MTDH: variants seen among roughly 807,000 people sequenced by gnomAD.
The protein encoded by MTDH is protein LYRIC.
MTDH carries 34 observed loss-of-function variants against 72.7 expected under a neutral mutation model. That is an observed-to-expected ratio of 0.47 (90% CI 0.36 to 0.62). MTDH has a LOEUF of 0.62. MTDH is among the 20% of genes least tolerant of loss of function. MTDH has a pLI of 0.00. For synonymous variants in MTDH, 266 were observed against 268.9 expected (o/e 0.99, Z 0.10); for missense variants, 677 against 699.4 (o/e 0.97, Z 0.36).
At chr8:97,648,620 A>G (rs1023993454) in intron 1 of MTDH, among the ~76,000 whole-genome samples, 9 of 152,122 alleles carry the variant, frequency 5.9e-5, no homozygotes, top group Non-Finnish European at 5.9e-5. Flanking sequence ...TGGCCTCCCA[A>G]AATGTTGGGA....
In MTDH at chr8:97,687,458, G is replaced by A. The variant is rs761167308; in HGVS notation, c.598G>A (p.Glu200Lys). ...CTGGGAAACTAAAATTAGTCACAGA[G>A]AGAAACGACAGCAGCGTAAACGTGA... ...GAWETKISHR[E>K]KRQQRKRDKV... is the part of the protein sequence containing the mutation. The change falls in exon 4 of 12, where the codon GAG becomes AAG. Residue 200 changes from glutamate to lysine, a missense_variant. Around this residue, in one of 3 missense-constraint regions of MTDH, gnomAD observed 467 missense variants for 469.1 expected, o/e 1.00. Transcript: ENST00000336273. 1 of 1,602,020 alleles carries A rather than the reference G, an allele frequency of 6.2e-7. No individual in the cohort carries two copies. Among genetic ancestry groups the A allele is most frequent in the Non-Finnish European group, 8.5e-7 (1 of 1,174,536 alleles).
At chr8:97,717,723 C>T (rs1247157805) in intron 9 of MTDH, among the ~76,000 whole-genome samples, 1 of 149,072 alleles carries the variant, frequency 6.7e-6, no homozygotes, top group Non-Finnish European at 1.5e-5. Flanking sequence ...CTTAGGGAAA[C>T]TAAGTGACTT....
chr8:97,661,690 C>G (rs1425401289), intron 2 of MTDH, among the ~76,000 whole-genome samples: 1 of 152,070 alleles, frequency 6.6e-6, no homozygotes, highest in African/African-American at 2.4e-5. Flanking sequence ...TGCCTGTAAT[C>G]CTAGCACTTT....
At chr8:97,665,250 TAA>T (rs1007055673) in intron 2 of MTDH, among the ~76,000 whole-genome samples, 3 of 152,318 alleles carry the variant, frequency 2.0e-5, no homozygotes, top group Admixed American at 6.5e-5. Flanking sequence ...GCCTTGTAGA[TAA>T]AAGTTTGCCT....
At chr8:97,721,078 A>G (rs1815101952) in intron 10 of MTDH, among the ~76,000 whole-genome samples, 1 of 152,182 alleles carries the variant, frequency 6.6e-6, no homozygotes, top group Admixed American at 6.5e-5. Context: ...AAAATAAGTA[A>G]CAATAAAACT....
In MTDH at chr8:97,730,043, G is replaced by GT. The variant is rs1184069833; in HGVS notation, c.*5374dup. On this transcript the variant is annotated 3_prime_UTR_variant, in exon 12 of 12. Coordinates refer to ENST00000336273, the MANE Select transcript of MTDH (RefSeq NM_178812.4). ...CATCATGACATGTATATAGTGTGTT[G>GT]TAAGACATTTGCCAGCTAATAGTTA... 6.6e-6 allele frequency among the ~76,000 whole-genome samples: 1 copy of GT among 152,196 alleles called. No individual in the cohort carries two copies. The highest frequency in any genetic ancestry group is 1.5e-5 in the Non-Finnish European group (1 of 68,032).
At chr8:97,645,987 C>G (rs76222758) in intron 1 of MTDH, among the ~76,000 whole-genome samples, 6,117 of 152,112 alleles carry the variant, frequency 0.04, 463 homozygotes, top group East Asian at 0.24. Context: ...AAGGTATACA[C>G]GTAGAGTCAG....
chr8:97,659,812 C>G (rs1163247877), intron 1 of MTDH, among the ~76,000 whole-genome samples: 3 of 152,226 alleles, frequency 2.0e-5, no homozygotes, highest in African/African-American at 7.2e-5. Context: ...TACCTAGGCC[C>G]CATTCTCCAA....
chr8:97,726,204 C>G lies in MTDH; in HGVS notation c.*1534C>G, dbSNP rs1364595845. On this transcript the variant is annotated 3_prime_UTR_variant, in exon 12 of 12. Transcript: ENST00000336273. The stretch of plus-strand genomic sequence containing the variant: ...CTAACAAGAGATTATTAACTTTTAT[C>G]AGGTGTTAACATCTGTTTCAGGAAC... 1 of 152,638 alleles carries G rather than the reference C, an allele frequency of 6.6e-6. No homozygotes were observed. The highest frequency in any genetic ancestry group is 1.5e-5 in the Non-Finnish European group (1 of 68,040). The allele number at this position is 152,638 out of a possible 1,614,324, so 9.5% of individuals were successfully genotyped here.
intron 2 of MTDH, among the ~76,000 whole-genome samples, chr8:97,663,704 G>A (rs942921632): frequency 3.5e-5 from 5 of 142,016 alleles, no homozygotes; most frequent in African/African-American, 5.4e-5. Context: ...AGTGGAGATC[G>A]CGCCACTGCA....
At chr8:97,696,109 G>A (rs1020825438) in intron 6 of MTDH, 1 of 360,654 alleles carries the variant, frequency 2.8e-6, no homozygotes, top group African/African-American at 2.2e-5. Flanking sequence ...CATTTCTAAG[G>A]TTATCTTTAA....
At chr8:97,681,484 AT>A (rs1197300167) in intron 2 of MTDH, among the ~76,000 whole-genome samples, 3 of 134,346 alleles carry the variant, frequency 2.2e-5, no homozygotes, top group Non-Finnish European at 4.7e-5. Flanking sequence ...GAAGATAAGA[AT>A]TTTTTCTTTT....
intron 6 of MTDH, among the ~76,000 whole-genome samples, chr8:97,694,085 T>C (rs1813727565): frequency 6.6e-6 from 1 of 152,226 alleles, no homozygotes; most frequent in Non-Finnish European, 1.5e-5. Flanking sequence ...CTTGTGCTTA[T>C]GGCAGATATT....
intron 1 of MTDH, among the ~76,000 whole-genome samples, chr8:97,650,324 G>C (rs1277634723): frequency 6.6e-6 from 1 of 151,306 alleles, no homozygotes; most frequent in African/African-American, 2.4e-5. Context: ...AACCAGGCTG[G>C]AGTGCAGTGG....
intron 10 of MTDH, among the ~76,000 whole-genome samples, chr8:97,720,898 C>T (rs1815094799): frequency 6.6e-6 from 1 of 151,842 alleles, no homozygotes; most frequent in Admixed American, 6.6e-5. Flanking sequence ...AAGTGATCCG[C>T]CTGCCTCAGC....
chr8:97,685,965 G>T (rs889080974), intron 2 of MTDH, among the ~76,000 whole-genome samples: 1 of 152,056 alleles, frequency 6.6e-6, no homozygotes, highest in Non-Finnish European at 1.5e-5. Context: ...AAGGGAATTG[G>T]AATATCATTC....
At chr8:97,720,726 T>C (rs1428539317) in intron 10 of MTDH, among the ~76,000 whole-genome samples, 10 of 149,932 alleles carry the variant, frequency 6.7e-5, no homozygotes, top group Non-Finnish European at 1.3e-4. Context: ...CAATCTCGGC[T>C]CGCTGCAACC....
intron 2 of MTDH, among the ~76,000 whole-genome samples, chr8:97,666,127 CAA>C (rs1232775004): frequency 2.9e-4 from 20 of 68,208 alleles, no homozygotes; most frequent in Admixed American, 1.0e-3. Context: ...GACTCCGTCT[CAA>C]AAAAAAAAAA....
rs1815347022 is a variant in MTDH at position 97,726,251 on chromosome 8, A to G, written c.*1581A>G. The G allele has an allele frequency of 6.5e-6, 1 of 152,676 alleles. No homozygotes were observed. The allele number at this position is 152,676 out of a possible 1,614,324, so 9.5% of individuals were successfully genotyped here. On this transcript the variant is annotated 3_prime_UTR_variant, in exon 12 of 12. Transcript: ENST00000336273. ...GAACATGGCAGTATGTTTACATGTC[A>G]GAAGTTTTGTTTAATTCTATGGTAT...
Sources: allele counts gnomAD v4.1 joint callset (sites outside exome capture counted in the v4.1 genomes callset), GRCh38; gene constraint gnomAD v4.1.1; regional missense constraint gnomAD v4.1.1; transcripts MANE v1.5; gene names NCBI Gene and HGNC (gene_info 2026-07-23, HGNC 2026-07-21).